Variants in GALNT13 observed in about 807,000 individuals in gnomAD.
GALNT13 encodes the protein UDP-GalNAc:polypeptide N-acetylgalactosaminyltransferase 13.
A neutral mutation model predicts 64.2 loss-of-function variants in GALNT13; 28 were observed. The ratio of observed to expected loss-of-function variants is 0.44; its 90% confidence interval spans 0.32 to 0.60. The LOEUF is 0.60. GALNT13 is among the 20% of genes least tolerant of loss of function. The pLI is 0.05. For missense variants in GALNT13, 577 were observed against 669.8 expected, an observed-to-expected ratio of 0.86 and a Z score of 1.53; for synonymous variants, 214 against 224.6, an observed-to-expected ratio of 0.95 and a Z score of 0.42.
intron 2 of GALNT13, among the ~76,000 whole-genome samples, chr2:153,909,964 C>A (rs2105312948): frequency 6.6e-6 from 1 of 152,052 alleles, no homozygotes; most frequent in East Asian, 1.9e-4. Context: ...GGGGAGGAGT[C>A]CCTCTTCCTC....
the GALNT13 span, among the ~76,000 whole-genome samples, chr2:153,278,350 TTTAA>T: frequency 1.3e-5 from 2 of 152,168 alleles, no homozygotes; most frequent in African/African-American, 4.8e-5. Context: ...CCACAAGCTG[TTTAA>T]TTAGGCCCCA....
intron 9 of GALNT13, among the ~76,000 whole-genome samples, chr2:154,355,218 G>T (rs569565797): frequency 2.0e-5 from 3 of 152,078 alleles, no homozygotes; most frequent in East Asian, 3.9e-4. Context: ...AAGTACTTTT[G>T]GATGTGCCAT....
intron 3 of GALNT13, among the ~76,000 whole-genome samples, chr2:154,058,023 C>A (rs1699985470): frequency 6.6e-6 from 1 of 152,126 alleles, no homozygotes; most frequent in Non-Finnish European, 1.5e-5. Flanking sequence ...ATGTTTATGA[C>A]CTTCCAAAAT....
At chr2:154,359,840 T>G (rs1259829515) in intron 9 of GALNT13, among the ~76,000 whole-genome samples, 1 of 152,124 alleles carries the variant, frequency 6.6e-6, no homozygotes, top group Non-Finnish European at 1.5e-5. Flanking sequence ...TGAATTAGAT[T>G]GCTGCTCCTC....
At chr2:153,478,819 G>T in the GALNT13 span, 1 of 447,632 alleles carries the variant, frequency 2.2e-6, no homozygotes, top group Non-Finnish European at 4.0e-6. Flanking sequence ...TCGAGGGGGG[G>T]CTGTTGGAAC....
At chr2:153,717,370 A>G in the GALNT13 span, among the ~76,000 whole-genome samples, 1 of 152,160 alleles carries the variant, frequency 6.6e-6, no homozygotes, top group Admixed American at 6.5e-5. Context: ...CTGCTGTGGC[A>G]TTTTTAGTAG....
chr2:153,867,476 T>G (rs1685787240), upstream of GALNT13, among the ~76,000 whole-genome samples: 1 of 152,092 alleles, frequency 6.6e-6, no homozygotes, highest in Admixed American at 6.6e-5. Context: ...ACCTACTTAT[T>G]TATTTGGTTA....
the GALNT13 span, among the ~76,000 whole-genome samples, chr2:153,790,881 A>G: frequency 6.6e-6 from 1 of 152,200 alleles, no homozygotes. Flanking sequence ...AATACTTAGG[A>G]ATACAGCTAA....
At chr2:154,151,732 A>T (rs1234206893) in intron 4 of GALNT13, among the ~76,000 whole-genome samples, 2 of 152,146 alleles carry the variant, frequency 1.3e-5, no homozygotes, top group Non-Finnish European at 2.9e-5. Flanking sequence ...AGTCTGTTTT[A>T]TCAGGGACTA....
At chr2:154,277,963 C>A (rs1435986543) in intron 8 of GALNT13, among the ~76,000 whole-genome samples, 4 of 152,120 alleles carry the variant, frequency 2.6e-5, no homozygotes, top group Admixed American at 2.0e-4. Flanking sequence ...TTTCTGCATG[C>A]CCTACTCTAT....
rs371925376 is a variant in GALNT13 at position 154,414,302 on chromosome 2, A to G, written c.1395+5220A>G. Among the ~76,000 whole-genome samples, 77 of 152,190 alleles carry G rather than the reference A, an allele frequency of 5.1e-4. 1 individual carries two copies. Among genetic ancestry groups the G allele is most frequent in the African/African-American group, 1.7e-3 (70 of 41,580 alleles). ...CAAATTACCCTCTTTGAGACTTACA[A>G]TGATCTTTGAAGTAGATAGTGTTAT... On this transcript the variant is annotated intron_variant, in intron 11 of 12. Coordinates refer to ENST00000392825, the MANE Select transcript of GALNT13 (RefSeq NM_052917.4).
the GALNT13 span, among the ~76,000 whole-genome samples, chr2:153,552,575 C>CTTTTTTTTTTTT: frequency 2.9e-5 from 2 of 69,324 alleles, no homozygotes; most frequent in African/African-American, 5.2e-5. Flanking sequence ...GCTTCTTCTT[C>CTTTTTTTTTTTT]TTTTTTTTTT....
intron 3 of GALNT13, among the ~76,000 whole-genome samples, chr2:154,084,735 G>A (rs535835248): frequency 3.3e-5 from 5 of 151,940 alleles, no homozygotes; most frequent in East Asian, 1.9e-4. Flanking sequence ...TTATATAAAG[G>A]TTTCCTTCTT....
the GALNT13 span, among the ~76,000 whole-genome samples, chr2:153,407,788 A>T: frequency 6.6e-6 from 1 of 152,174 alleles, no homozygotes; most frequent in Non-Finnish European, 1.5e-5. Context: ...ATCTCTAAAG[A>T]TGTGTCTTTC....
chr2:153,634,063 A>G, the GALNT13 span, among the ~76,000 whole-genome samples: 1 of 152,194 alleles, frequency 6.6e-6, no homozygotes. Context: ...ATGCAGAAGA[A>G]TTTCCATAAC....
At chr2:154,296,757 AT>A (rs888012041) in intron 8 of GALNT13, among the ~76,000 whole-genome samples, 8 of 152,128 alleles carry the variant, frequency 5.3e-5, no homozygotes, top group African/African-American at 1.9e-4. Context: ...TTTTTATTTT[AT>A]TTTTTTAAAG....
the GALNT13 span, among the ~76,000 whole-genome samples, chr2:153,537,169 T>C: frequency 1.3e-5 from 2 of 152,224 alleles, no homozygotes; most frequent in South Asian, 4.1e-4. Context: ...TAGTTCTCTC[T>C]GTAAACATGA....
the GALNT13 span, among the ~76,000 whole-genome samples, chr2:153,535,207 T>C: frequency 3.3e-5 from 5 of 152,070 alleles, no homozygotes; most frequent in Admixed American, 3.3e-4. Context: ...ACGGCCCGGA[T>C]ACGGTTTTGT....
At chr2:153,452,261 A>C in the GALNT13 span, among the ~76,000 whole-genome samples, 1 of 152,212 alleles carries the variant, frequency 6.6e-6, no homozygotes, top group Non-Finnish European at 1.5e-5. Flanking sequence ...CAAATCACAA[A>C]TTGCAGAATT....
Sources: allele counts gnomAD v4.1 joint callset (sites outside exome capture counted in the v4.1 genomes callset), GRCh38; gene constraint gnomAD v4.1.1; transcripts MANE v1.5; gene names NCBI Gene and HGNC (gene_info 2026-07-23, HGNC 2026-07-21).